CPAMD8: variants seen among roughly 807,000 people sequenced by gnomAD.
The protein encoded by CPAMD8 is C3 and PZP-like alpha-2-macroglobulin domain-containing protein 8.
Under a neutral mutation model 224.7 loss-of-function variants are expected in CPAMD8, and 146 were observed. That is an observed-to-expected ratio of 0.65 (90% confidence interval 0.57 to 0.75). CPAMD8 has a LOEUF of 0.75. CPAMD8 is among the 30% of genes least tolerant of loss of function. CPAMD8 has a pLI of 0.00. For missense variants in CPAMD8, 2,301 were observed against 2,537.5 expected, an observed-to-expected ratio of 0.91 and a Z score of 2.00; for synonymous variants, 966 against 1,044.6, an observed-to-expected ratio of 0.92 and a Z score of 1.45.
chr19:16,907,115 C>G lies in CPAMD8; in HGVS notation c.3864G>C (p.Glu1288Asp). 1.3e-6 allele frequency: 2 copies of G among 1,552,634 alleles called. No individual in the cohort carries two copies. Among genetic ancestry groups the G allele is most frequent in the Non-Finnish European group, 1.7e-6 (2 of 1,148,048 alleles). Residue 1288 changes from glutamate to aspartate, a missense_variant and splice_region_variant, in exon 30 of 42, where the codon GAG becomes GAC. By Grantham distance (45) the Glu-to-Asp change is conservative. Around this residue, in one of 4 missense-constraint regions of CPAMD8, gnomAD observed 1,709 missense variants for 1,753.2 expected, o/e 0.97. Transcript: ENST00000443236. The stretch of plus-strand genomic sequence containing the variant: ...TCGCTTTGTCAGTGGAGCCTCTCTC[C>G]TCCTGCAGGGTGGGGTGGGAAGGTG... ...ALLETGTASEEERGSTDKARH... is the reference protein window; with the variant it reads ...ALLETGTASEDERGSTDKARH...
intron 18 of CPAMD8, among the ~76,000 whole-genome samples, chr19:16,965,913 C>T (rs1236828639): frequency 6.6e-6 from 1 of 152,174 alleles, no homozygotes; most frequent in South Asian, 2.1e-4. Flanking sequence ...AATGGCCATA[C>T]TGCCCAAGGT....
chr19:16,940,929 GT>G (rs920986513), intron 22 of CPAMD8, among the ~76,000 whole-genome samples: 95 of 152,222 alleles, frequency 6.2e-4, no homozygotes, highest in African/African-American at 2.2e-3. Context: ...ACCCACGGTA[GT>G]TTTTTGTTTT....
At chr19:17,001,741 G>A (rs1232037921) in intron 9 of CPAMD8, among the ~76,000 whole-genome samples, 6 of 151,668 alleles carry the variant, frequency 4.0e-5, no homozygotes, top group African/African-American at 1.2e-4. Context: ...CATGGAAGAA[G>A]TGTCTGCCTG....
chr19:16,911,300 G>A (rs955310662), intron 29 of CPAMD8, among the ~76,000 whole-genome samples: 1 of 151,920 alleles, frequency 6.6e-6, no homozygotes, highest in Admixed American at 6.6e-5. Context: ...TCTCGTGGGA[G>A]CATGAACCCT....
intron 18 of CPAMD8, among the ~76,000 whole-genome samples, chr19:16,969,164 A>G (rs2054960234): frequency 6.6e-6 from 1 of 152,176 alleles, no homozygotes; most frequent in African/African-American, 2.4e-5. Context: ...CAGACAGGTC[A>G]GCTCTCCTGA....
chr19:17,009,164 G>T, intron 6 of CPAMD8, 139 bp downstream of exon 6: 1 of 1,426,794 alleles, frequency 7.0e-7, no homozygotes, highest in Non-Finnish European at 9.8e-7. Context: ...GACCAGGATA[G>T]AAGAGGCCAG....
At position 16,914,555 on chromosome 19, in the gene CPAMD8, C is replaced by T. The variant is rs559992248; in HGVS notation, c.3787-57G>A. The stretch of plus-strand genomic sequence containing the variant: ...CCAAAGGAGACAGTCCACTTCCCCC[C>T]ACTTCCCCCAGGCAGCTCCAGGGAG... On this transcript the variant is annotated intron_variant, in intron 28 of 41. Transcript: ENST00000443236. 1.2e-5 allele frequency: 20 copies of T among 1,609,774 alleles called. 1 individual carries two copies. Among genetic ancestry groups the T allele is most frequent in the Middle Eastern group, 1.7e-4 (1 of 6,058 alleles).
At chr19:16,940,318 G>A (rs925646766) in intron 22 of CPAMD8, among the ~76,000 whole-genome samples, 8 of 152,286 alleles carry the variant, frequency 5.3e-5, no homozygotes, top group East Asian at 1.9e-4. Context: ...ATGTGTGGGA[G>A]TGTGTTTATA....
intron 39 of CPAMD8, 30 bp from the exon 40 acceptor site, chr19:16,896,695 C>A: frequency 7.3e-7 from 1 of 1,375,984 alleles, no homozygotes; most frequent in South Asian, 1.6e-5. Flanking sequence ...CGACAGACCC[C>A]CCACCCTGAA....
intron 12 of CPAMD8, among the ~76,000 whole-genome samples, chr19:16,990,713 A>C (rs1481643556): frequency 3.3e-5 from 5 of 151,758 alleles, no homozygotes; most frequent in Non-Finnish European, 7.4e-5. Context: ...AATACAAAAA[A>C]TTAGCCGGGC....
At position 16,975,213 on chromosome 19, in the gene CPAMD8, C is replaced by G; in HGVS notation, c.1954G>C (p.Val652Leu). 6.2e-7 allele frequency: 1 copy of G among 1,610,218 alleles called. No individual in the cohort carries two copies. The highest frequency in any genetic ancestry group is 8.5e-7 in the Non-Finnish European group (1 of 1,178,208). Reference sequence around the variant, plus strand: ...CAAAAAGGACCATCCTCCCTGGACACGCCAAAGGAATCAGAAACATCATAA... The same window carrying G: ...CAAAAAGGACCATCCTCCCTGGACAGGCCAAAGGAATCAGAAACATCATAA... ...EDYDVSDSFG[V>L]SREDGPFWWA... The change falls in exon 17 of 42, where the codon GTG becomes CTG. Residue 652 changes from valine to leucine, a missense_variant. Transcript: ENST00000443236.
intron 22 of CPAMD8, among the ~76,000 whole-genome samples, chr19:16,939,149 TTTTATTTA>T (rs35025434): frequency 0.017 from 2,549 of 146,862 alleles, 52 homozygotes; most frequent in East Asian, 0.06. Flanking sequence ...GGATGGTCAA[TTTTATTTA>T]TTTATTTATT....
rs1041515480 is a variant in CPAMD8 at position 16,896,842 on chromosome 19, G to A, written c.5066-177C>T. 19 of 426,966 alleles carry A rather than the reference G, an allele frequency of 4.4e-5. No individual in the cohort carries two copies. In the Admixed American group the frequency reaches 7.4e-4, roughly 17 times the overall value. The allele number at this position is 426,966 out of a possible 1,614,324, so 26.4% of individuals were successfully genotyped here. ...CCTGGCCTTATGGAATTTCACGCAG[G>A]TATTTGCCTAATACTTACAAAAACA... On this transcript the variant is annotated intron_variant, in intron 39 of 41. Transcript: ENST00000443236.
chr19:16,935,279 C>CT (rs2053651802), intron 23 of CPAMD8, among the ~76,000 whole-genome samples: 1 of 152,090 alleles, frequency 6.6e-6, no homozygotes. Context: ...TCTATTTGTA[C>CT]TTTTTATGTG....
At position 16,914,480 on chromosome 19, in the gene CPAMD8, C is replaced by A; in HGVS notation, c.3805G>T (p.Val1269Phe). 6.2e-7 allele frequency: 1 copy of A among 1,614,186 alleles called. No homozygotes were observed. The highest frequency in any genetic ancestry group is 8.5e-7 in the Non-Finnish European group (1 of 1,180,018). ...KDIQGGIHGT[V>F]PLTAYVVVAL... ...ACCACCACGTAGGCTGTCAGCGGGA[C>A]AGTGCCGTGGATCCCACCCTGCAAG... The change falls in exon 29 of 42, where the codon GTC becomes TTC. Residue 1269 changes from valine to phenylalanine, a missense_variant. Physicochemically the swap from Val to Phe is conservative, Grantham distance 50. Coordinates refer to ENST00000443236, the MANE Select transcript of CPAMD8 (RefSeq NM_015692.5).
intron 36 of CPAMD8, among the ~76,000 whole-genome samples, chr19:16,900,115 C>T (rs58017830): frequency 0.28 from 42,216 of 151,728 alleles, 6,403 homozygotes; most frequent in Non-Finnish European, 0.34. Context: ...CAGCCAGAGC[C>T]GGGCAGCAAT....
Position 16,993,425 on chromosome 19 carries a change from C to T in CPAMD8, c.1257G>A (p.Val419=). 2.5e-6 allele frequency: 4 copies of T among 1,612,922 alleles called. No individual in the cohort carries two copies. The highest frequency in any genetic ancestry group is 3.4e-6 in the Non-Finnish European group (4 of 1,179,474). ...IPSIPTSAQH[V]WLETKVMALN... is the part of the protein sequence containing the mutation. ...CACGGGACTCACCCACCTCCAGCCA[C>T]ACGTGCTGGGCTGACGTGGGGATGG... The change falls in exon 12 of 42, where the codon GTG becomes GTA. Residue 419 remains valine (V), a synonymous_variant. Coordinates refer to ENST00000443236, the MANE Select transcript of CPAMD8 (RefSeq NM_015692.5).
chr19:16,914,560 C>T (rs2052863754), intron 28 of CPAMD8, 62 bp from the exon 29 acceptor site: 1 of 1,609,190 alleles, frequency 6.2e-7, no homozygotes, highest in Non-Finnish European at 8.5e-7. Context: ...CCCCCCACTT[C>T]CCCCAGGCAG....
rs370773533 is a variant in CPAMD8, at chr19:16,893,306, G to A, written c.5460C>T (p.Ser1820=). The change falls in exon 42 of 42, where the codon AGC becomes AGT. Residue 1820 remains serine (S), a synonymous_variant. Transcript: ENST00000443236. ...VTAGPRPPVS[S]GNLESSTQSA... is the part of the protein sequence containing the mutation. ...TCTGGGTGCTGCTTTCCAGGTTCCC[G>A]CTGCTCACAGGAGGCCGAGGCCCGG... is the stretch of plus-strand genomic sequence containing the variant. 5.2e-6 allele frequency: 8 copies of A among 1,548,672 alleles called. No individual in the cohort carries two copies. Among genetic ancestry groups the A allele is most frequent in the African/African-American group, 1.4e-5 (1 of 73,290 alleles).
Sources: allele counts gnomAD v4.1 joint callset (sites outside exome capture counted in the v4.1 genomes callset), GRCh38; gene constraint gnomAD v4.1.1; regional missense constraint gnomAD v4.1.1; transcripts MANE v1.5; gene names NCBI Gene and HGNC (gene_info 2026-07-23, HGNC 2026-07-21).